MCPH1: variants seen among roughly 807,000 people sequenced by gnomAD.
MCPH1 encodes microcephalin 1.
A neutral mutation model predicts 84.5 loss-of-function variants in MCPH1; 104 were observed. The ratio of observed to expected loss-of-function variants is 1.23; its 90% CI spans 1.05 to 1.45. The LOEUF (loss-of-function observed/expected upper bound fraction) is 1.45, where lower values mean the gene tolerates loss of function less well. Ranked by LOEUF, MCPH1 falls within the 40% of genes most tolerant of loss-of-function variation. The pLI, the probability that MCPH1 is intolerant of heterozygous loss-of-function variation, is 0.00. For missense variants in MCPH1, 1,498 were observed against 1,005.7 expected (o/e 1.49, Z -6.62); for synonymous variants, 514 against 366.8 (o/e 1.40, Z -4.58).
At chr8:6,633,877 C>G (rs1016514205) in intron 13 of MCPH1, among the ~76,000 whole-genome samples, 3 of 152,096 alleles carry the variant, frequency 2.0e-5, no homozygotes, top group Admixed American at 2.0e-4. Flanking sequence ...CTATGTGTAA[C>G]AGTGATCAGA....
chr8:6,451,996 A>T (rs568904766), intron 8 of MCPH1, among the ~76,000 whole-genome samples: 6 of 152,352 alleles, frequency 3.9e-5, no homozygotes, highest in African/African-American at 1.2e-4. Flanking sequence ...TAGGATGTGG[A>T]GGAAAATAAA....
intron 11 of MCPH1, among the ~76,000 whole-genome samples, chr8:6,492,799 G>A (rs1810795670): frequency 6.6e-6 from 1 of 150,416 alleles, no homozygotes; most frequent in Admixed American, 6.6e-5. Context: ...TATTGATTGA[G>A]TTAAGTAATT....
intron 11 of MCPH1, among the ~76,000 whole-genome samples, chr8:6,482,664 G>A (rs1809386732): frequency 1.3e-5 from 2 of 152,176 alleles, no homozygotes; most frequent in South Asian, 2.1e-4. Flanking sequence ...CTTTGCTGTC[G>A]ACATGGATAG....
At chr8:6,596,224 A>T (rs1828915064) in intron 12 of MCPH1, among the ~76,000 whole-genome samples, 1 of 152,120 alleles carries the variant, frequency 6.6e-6, no homozygotes, top group East Asian at 1.9e-4. Flanking sequence ...ACGAACTGGC[A>T]CTGTGCCTTG....
intron 11 of MCPH1, among the ~76,000 whole-genome samples, chr8:6,485,008 C>A (rs1809697536): frequency 6.6e-6 from 1 of 152,180 alleles, no homozygotes; most frequent in Admixed American, 6.5e-5. Flanking sequence ...ACGAGTAAAT[C>A]TTATTGTTTC....
intron 12 of MCPH1, chr8:6,563,188 T>C: frequency 2.9e-6 from 1 of 342,424 alleles, no homozygotes; most frequent in East Asian, 4.7e-5. Flanking sequence ...GTGTCAGCTT[T>C]TACAGAGCAG....
chr8:6,460,483 T>G (rs1307876782), intron 9 of MCPH1, among the ~76,000 whole-genome samples: 1 of 152,176 alleles, frequency 6.6e-6, no homozygotes, highest in African/African-American at 2.4e-5. Context: ...CCCAGGGTAC[T>G]GGGATTACAG....
At chr8:6,598,144 A>G (rs887085394) in intron 12 of MCPH1, among the ~76,000 whole-genome samples, 1 of 152,190 alleles carries the variant, frequency 6.6e-6, no homozygotes, top group Non-Finnish European at 1.5e-5. Context: ...GGAAGGAGGA[A>G]AGGGGATGCT....
At chr8:6,536,972 G>GAA (rs58686747) in intron 12 of MCPH1, among the ~76,000 whole-genome samples, 14,150 of 101,960 alleles carry the variant, frequency 0.14, 787 homozygotes, top group South Asian at 0.24. Flanking sequence ...CTTAGTACAA[G>GAA]AAAAAAAAAA....
At chr8:6,631,145 C>G (rs995997901) in intron 13 of MCPH1, among the ~76,000 whole-genome samples, 3 of 152,306 alleles carry the variant, frequency 2.0e-5, no homozygotes, top group African/African-American at 7.2e-5. Context: ...GTTCCCAGTT[C>G]CCAGTTCCCT....
rs1377901247 is a variant in MCPH1 at position 6,644,890 on chromosome 8, AAAT to A, written c.*1845_*1847del. 1 of 152,212 alleles carries A rather than the reference AAAT, an allele frequency of 6.6e-6. No homozygotes were observed. The highest frequency in any genetic ancestry group is 1.5e-5 in the Non-Finnish European group (1 of 68,052). The allele number at this position is 152,212 out of a possible 1,614,324, so 9.4% of individuals were successfully genotyped here. A position where few individuals can be genotyped will look rare whatever the true frequency, so the allele number is the denominator to read the frequency against. On this transcript the variant is annotated 3_prime_UTR_variant, in exon 14 of 14. Transcript: ENST00000344683. ...TTCTATAGAAAACCACAGAAACTGGAAATAATGAAGGGTTGTCTCTTGGTTTTA... is the reference window on the plus strand; with the variant it reads ...TTCTATAGAAAACCACAGAAACTGGAAATGAAGGGTTGTCTCTTGGTTTTA...
intron 3 of MCPH1, among the ~76,000 whole-genome samples, chr8:6,421,796 G>T (rs1800242166): frequency 6.6e-6 from 1 of 152,036 alleles, no homozygotes; most frequent in Non-Finnish European, 1.5e-5. Context: ...CTGCATGATG[G>T]TCCCCTTCCC....
chr8:6,638,518 G>C (rs958723142), intron 13 of MCPH1, among the ~76,000 whole-genome samples: 6 of 151,300 alleles, frequency 4.0e-5, no homozygotes, highest in Non-Finnish European at 7.4e-5. Flanking sequence ...GCCATGGCTA[G>C]TAAACTTTAG....
intron 4 of MCPH1, among the ~76,000 whole-genome samples, chr8:6,432,155 A>G (rs184456527): frequency 6.6e-6 from 1 of 152,326 alleles, no homozygotes; most frequent in East Asian, 1.9e-4. Context: ...TTGTTTGTAG[A>G]GACAGGGTCT....
chr8:6,477,429 C>T (rs1450256020), intron 9 of MCPH1, 165 bp from the exon 10 acceptor site: 3 of 619,170 alleles, frequency 4.8e-6, no homozygotes, highest in Non-Finnish European at 8.4e-6. Flanking sequence ...ATCTCTTGGC[C>T]TGTTTTTTCC....
At chr8:6,587,095 G>A (rs1586720928) in intron 12 of MCPH1, among the ~76,000 whole-genome samples, 2 of 152,038 alleles carry the variant, frequency 1.3e-5, no homozygotes, top group African/African-American at 4.8e-5. Flanking sequence ...TTTTGCTGTC[G>A]ATGATCTGTA....
intron 9 of MCPH1, among the ~76,000 whole-genome samples, chr8:6,472,900 C>T (rs554908893): frequency 6.2e-4 from 94 of 152,234 alleles, no homozygotes; most frequent in Admixed American, 2.1e-3. Context: ...TTTTGACTAC[C>T]TATTTAATCA....
chr8:6,508,416 G>A (rs188551507), intron 12 of MCPH1: 1 of 160,652 alleles, frequency 6.2e-6, no homozygotes, highest in Non-Finnish European at 1.3e-5. Flanking sequence ...CTCCCTTCTG[G>A]ACAACAAAGT....
intron 8 of MCPH1, among the ~76,000 whole-genome samples, chr8:6,448,640 T>C (rs2920671): frequency 0.26 from 39,916 of 152,162 alleles, 6,827 homozygotes; most frequent in African/African-American, 0.49. Context: ...TGTGTGTGTC[T>C]ACAAGCATAC....
Sources: allele counts gnomAD v4.1 joint callset (sites outside exome capture counted in the v4.1 genomes callset), GRCh38; gene constraint gnomAD v4.1.1; transcripts MANE v1.5; gene names NCBI Gene and HGNC (gene_info 2026-07-23, HGNC 2026-07-21).